PLIN4: variants seen among roughly 807,000 people sequenced by gnomAD.
PLIN4 encodes the protein perilipin 4.
In PLIN4, 57 loss-of-function variants were observed where a neutral mutation model predicts 52.4. That is an observed-to-expected ratio of 1.09 (90% confidence interval 0.88 to 1.36). The LOEUF (loss-of-function observed/expected upper bound fraction) is 1.36. Among genes scored for constraint, PLIN4 ranks in the 40% most tolerant of loss-of-function variants. The pLI, the probability that PLIN4 is intolerant of heterozygous loss-of-function variation, is 0.00. For synonymous variants in PLIN4, 826 were observed against 785.4 expected, an observed-to-expected ratio of 1.05 and a Z score of -0.86; for missense variants, 1,757 against 1,770.3, an observed-to-expected ratio of 0.99 and a Z score of 0.13.
chr19:4,518,235 T>G lies in PLIN4; in HGVS notation c.38A>C (p.Lys13Thr). 1.6e-6 allele frequency: 2 copies of G among 1,232,852 alleles called. No homozygotes were observed. Among genetic ancestry groups the G allele is most frequent in the Non-Finnish European group, 2.0e-6 (2 of 988,640 alleles). The allele number at this position is 1,232,852 out of a possible 1,614,324, so 76.4% of individuals were successfully genotyped here. ...TCCCCTCTTTACCTTGCCCTTCGGT[T>G]TGGGGGGATCCCGTCTCCCTTCGTC... ...APDEGRRDPPKPKGKTLGSFF... is the reference protein window; with the variant it reads ...APDEGRRDPPTPKGKTLGSFF... The change falls in exon 2 of 8, where the codon AAA becomes ACA. Residue 13 changes from lysine to threonine, a missense_variant. This residue lies in a region of PLIN4 where 332 missense variants were observed against 310.8 expected (regional missense o/e 1.07). Transcript: ENST00000301286.
chr19:4,506,823 C>T (rs912533646), intron 6 of PLIN4, among the ~76,000 whole-genome samples: 6 of 152,280 alleles, frequency 3.9e-5, no homozygotes, highest in Admixed American at 6.5e-5. Flanking sequence ...TCCTCCATGG[C>T]GTTTACAGGA....
chr19:4,508,892 ACG>A lies in PLIN4; in HGVS notation c.3576_3577del (p.Val1193SerfsTer4). The A allele has an allele frequency of 6.2e-7, 1 of 1,613,076 alleles. No individual in the cohort carries two copies. Among genetic ancestry groups the A allele is most frequent in the Middle Eastern group, 1.6e-4 (1 of 6,062 alleles). ...GCTGGGACCCAGGTCACCTAAACGA[ACG>A]AAGTAGCTCCCCTGTTCCGCCGACA... On this transcript the variant is annotated frameshift_variant, in exon 6 of 8. Coordinates refer to ENST00000301286, the MANE Select transcript of PLIN4 (RefSeq NM_001367868.2). LOFTEE classifies it high-confidence loss of function.
intron 3 of PLIN4, 61 bp downstream of exon 3, chr19:4,517,493 C>A (rs1166612981): frequency 9.7e-6 from 15 of 1,541,640 alleles, no homozygotes; most frequent in Non-Finnish European, 1.3e-5. Flanking sequence ...GCCCGGGGAG[C>A]TCCTTCTCCC....
At position 4,508,767 on chromosome 19, in the gene PLIN4, C is replaced by A. The variant is rs111699328; in HGVS notation, c.3702+1G>T. The A allele has an allele frequency of 1.3e-6, 2 of 1,576,458 alleles. No homozygotes were observed. The highest frequency in any genetic ancestry group is 1.7e-6 in the Non-Finnish European group (2 of 1,161,720). On this transcript the variant is annotated splice_donor_variant, in intron 6 of 7. Coordinates refer to ENST00000301286, the MANE Select transcript of PLIN4 (RefSeq NM_001367868.2). LOFTEE classifies it high-confidence loss of function. The stretch of plus-strand genomic sequence containing the variant: ...GGGCAGCAGCAGGGGGAAGCTCTTA[C>A]CAGCCTGAAGCAGTCCTGGAGCTGG...
intron 6 of PLIN4, among the ~76,000 whole-genome samples, chr19:4,507,910 G>A (rs1195985796): frequency 6.6e-6 from 1 of 152,148 alleles, no homozygotes; most frequent in Non-Finnish European, 1.5e-5. Context: ...TAGGCCAGAG[G>A]AAGAGAGCGG....
Position 4,516,649 on chromosome 19 carries a change from A to G in PLIN4, c.226T>C (p.Trp76Arg), listed in dbSNP as rs1201447557. The change falls in exon 4 of 8, where the codon TGG (tryptophan) becomes CGG (arginine). Residue 76 changes from tryptophan to arginine, a missense_variant. By Grantham distance (101) the Trp-to-Arg change is moderately radical. Coordinates refer to ENST00000301286, the MANE Select transcript of PLIN4 (RefSeq NM_001367868.2). ...VAAHPEQTAP[W>R]TEKELQPSEK... The stretch of plus-strand genomic sequence containing the variant: ...GAAGGTTGCAGCTCCTTCTCCGTCC[A>G]TGGGGCCGTCTGCTCTGGGTGGGCA... The G allele has an allele frequency of 1.2e-6, 2 of 1,603,680 alleles. No homozygotes were observed. Among genetic ancestry groups the G allele is most frequent in the East Asian group, 2.3e-5 (1 of 44,442 alleles).
chr19:4,506,773 C>T (rs192758530), intron 6 of PLIN4, among the ~76,000 whole-genome samples: 4 of 152,380 alleles, frequency 2.6e-5, no homozygotes, highest in Admixed American at 2.0e-4. Flanking sequence ...TTGTGATCAG[C>T]CGCTTGCAGC....
chr19:4,513,804 T>C (rs1976512428), intron 4 of PLIN4, 103 bp from the exon 5 acceptor site: 2 of 1,392,796 alleles, frequency 1.4e-6, no homozygotes, highest in Admixed American at 2.8e-5. Flanking sequence ...GGCAAGGAAC[T>C]GCAGGCACCC....
Position 4,503,776 on chromosome 19 carries a change from G to C in PLIN4, c.*683C>G, listed in dbSNP as rs893200856. On this transcript the variant is annotated 3_prime_UTR_variant, in exon 8 of 8. Coordinates refer to ENST00000301286, the MANE Select transcript of PLIN4 (RefSeq NM_001367868.2). Reference sequence around the variant, plus strand: ...AAACTGCTCAGTCTCAAGCCAGGCTGGTGCAAAGCCCCAGCTGTGGCTGCT... The same window carrying C: ...AAACTGCTCAGTCTCAAGCCAGGCTCGTGCAAAGCCCCAGCTGTGGCTGCT... 1.3e-5 allele frequency: 2 copies of C among 152,262 alleles called. No individual in the cohort carries two copies. The highest frequency in any genetic ancestry group is 1.3e-4 in the Admixed American group (2 of 15,286). 9.4% of individuals were successfully genotyped at this position (152,262 alleles called of 1,614,324 possible). A position where few individuals can be genotyped will look rare whatever the true frequency, so the allele number is the denominator to read the frequency against.
In PLIN4 at chr19:4,503,742, AC is replaced by A; in HGVS notation, c.*716del. On this transcript the variant is annotated 3_prime_UTR_variant, in exon 8 of 8. Coordinates refer to ENST00000301286, the MANE Select transcript of PLIN4 (RefSeq NM_001367868.2). Reference sequence around the variant, plus strand: ...TGTTTGCTTGTTTTTTGCACCCCCCACCCCCTGCAAACTGCTCAGTCTCAAG... The same window carrying A: ...TGTTTGCTTGTTTTTTGCACCCCCCACCCCTGCAAACTGCTCAGTCTCAAG... 1 of 151,782 alleles carries A rather than the reference AC, an allele frequency of 6.6e-6. No individual in the cohort carries two copies. Among genetic ancestry groups the A allele is most frequent in the East Asian group, 1.9e-4 (1 of 5,146 alleles). The allele number at this position is 151,782 out of a possible 1,614,324, so 9.4% of individuals were successfully genotyped here. A position where few individuals can be genotyped will look rare whatever the true frequency, so the allele number is the denominator to read the frequency against.
chr19:4,509,773 A>G (rs1341664658), intron 5 of PLIN4, among the ~76,000 whole-genome samples: 2 of 147,384 alleles, frequency 1.4e-5, no homozygotes, highest in Non-Finnish European at 3.0e-5. Context: ...GACAAAAAAC[A>G]TACAAAAAAA....
chr19:4,510,697 G>A lies in PLIN4; in HGVS notation c.3263C>T (p.Pro1088Leu), dbSNP rs1329067440. ...EQTALSPQEA[P>L]FSGISTPPDV... is the part of the protein sequence containing the mutation. ...CGGGGGCGTGGAGATGCCAGAGAACGGGGCCTCTTGGGGGCTCAGGGCAGT... is the reference window on the plus strand; with the variant it reads ...CGGGGGCGTGGAGATGCCAGAGAACAGGGCCTCTTGGGGGCTCAGGGCAGT... Residue 1088 changes from proline (P) to leucine (L), a missense_variant, in exon 5 of 8, where the codon CCG becomes CTG. By Grantham distance (98) the Pro-to-Leu change is moderately conservative. This residue lies in a region of PLIN4 where 712 missense variants were observed against 637.1 expected (regional missense o/e 1.12). Coordinates refer to ENST00000301286, the MANE Select transcript of PLIN4 (RefSeq NM_001367868.2). The A allele has an allele frequency of 6.6e-6, 10 of 1,523,000 alleles. No individual in the cohort carries two copies. The highest frequency in any genetic ancestry group is 1.3e-5 in the South Asian group (1 of 76,692). 94.3% of individuals were successfully genotyped at this position (1,523,000 alleles called of 1,614,324 possible).
intron 4 of PLIN4, among the ~76,000 whole-genome samples, chr19:4,514,586 G>A (rs1191072820): frequency 1.3e-5 from 2 of 151,836 alleles, no homozygotes; most frequent in East Asian, 3.9e-4. Context: ...AATTAGCCGG[G>A]TGTGGTGGTG....
At chr19:4,508,674 A>T in intron 6 of PLIN4, 94 bp downstream of exon 6, 1 of 1,307,554 alleles carries the variant, frequency 7.6e-7, no homozygotes. Context: ...ATCATCTCCT[A>T]GGTGCTCAGT....
At position 4,512,669 on chromosome 19, in the gene PLIN4, C is replaced by T. The variant is rs768849940; in HGVS notation, c.1291G>A (p.Gly431Ser). 1 of 1,558,424 alleles carries T rather than the reference C, an allele frequency of 6.4e-7. No individual in the cohort carries two copies. Among genetic ancestry groups the T allele is most frequent in the East Asian group, 2.2e-5 (1 of 44,652 alleles). The change falls in exon 5 of 8, where the codon GGT becomes AGT. Residue 431 changes from glycine to serine, a missense_variant. Gly to Ser is a moderately conservative substitution (Grantham distance 56). Transcript: ENST00000301286. ...CCACTGCAGACGGTGTCCTTTGTAC[C>T]TGTTGCGATATTTTGGGTTGTGTTC... is the stretch of plus-strand genomic sequence containing the variant. Reference protein sequence around the residue: ...GLNTTQNIATGTKDTVCSGVT... With the variant: ...GLNTTQNIATSTKDTVCSGVT...
chr19:4,517,512 G>A (rs1305321224), intron 3 of PLIN4, 42 bp downstream of exon 3: 5 of 1,582,578 alleles, frequency 3.2e-6, no homozygotes, highest in East Asian at 2.3e-5. Flanking sequence ...CCAGGTCCAT[G>A]TGTAGAGTCC....
rs1396807962 is a variant in PLIN4 at position 4,517,716 on chromosome 19, G to T, written c.52-18C>A. Reference sequence around the variant, plus strand: ...CCCAGGGTCTGCATGGGGGCGGGGGGTGTGCAGGATGAGCAGGCCAAGCCT... The same window carrying T: ...CCCAGGGTCTGCATGGGGGCGGGGGTTGTGCAGGATGAGCAGGCCAAGCCT... On this transcript the variant is annotated intron_variant, in intron 2 of 7. Coordinates refer to ENST00000301286, the MANE Select transcript of PLIN4 (RefSeq NM_001367868.2). 12 of 1,570,622 alleles carry T rather than the reference G, an allele frequency of 7.6e-6. No homozygotes were observed. In the African/African-American group the frequency reaches 8.1e-5, roughly 11 times the overall value.
rs1976487066 is a variant in PLIN4 at position 4,513,308 on chromosome 19, C to G, written c.652G>C (p.Gly218Arg). 2 of 1,613,584 alleles carry G rather than the reference C, an allele frequency of 1.2e-6. No homozygotes were observed. Among genetic ancestry groups the G allele is most frequent in the Admixed American group, 1.7e-5 (1 of 59,984 alleles). The change falls in exon 5 of 8, where the codon GGG becomes CGG. Residue 218 changes from glycine (G) to arginine (R), a missense_variant. Around this residue, in one of 7 missense-constraint regions of PLIN4, gnomAD observed 332 missense variants for 310.8 expected, o/e 1.07. Transcript: ENST00000301286. ...GTTTCCACGCCAGTCTGGACAGTCC[C>G]TTTGGCCAAGTTCACTGCCCCCATG... ...GVMGAVNLAK[G>R]TVQTGVETSK...
intron 6 of PLIN4, among the ~76,000 whole-genome samples, chr19:4,508,513 C>A (rs901778805): frequency 6.6e-6 from 1 of 152,188 alleles, no homozygotes; most frequent in East Asian, 1.9e-4. Flanking sequence ...GTGACCCACC[C>A]GCCTCGGCCT....
Sources: gnomAD v4.1 joint callset for allele counts (sites outside exome capture counted in the v4.1 genomes callset) on GRCh38, gnomAD v4.1.1 for gene constraint, gnomAD v4.1.1 regional missense constraint, MANE v1.5 for transcripts, NCBI Gene and HGNC (gene_info 2026-07-23, HGNC 2026-07-21) for gene names.